CPQ: variants seen among roughly 807,000 people sequenced by gnomAD.
The protein encoded by CPQ is carboxypeptidase Q.
Under a neutral mutation model 45.7 loss-of-function variants are expected in CPQ, and 37 were observed. The observed-to-expected ratio is 0.81, with a 90% CI of 0.62 to 1.07. The LOEUF (loss-of-function observed/expected upper bound fraction) is 1.07, where lower values mean the gene tolerates loss of function less well. CPQ is among the 50% of genes least tolerant of loss of function. The pLI, the probability that CPQ is intolerant of heterozygous loss-of-function variation, is 0.00. For missense variants in CPQ, 537 were observed against 572.9 expected (o/e 0.94, Z 0.64); for synonymous variants, 186 against 205.8 (o/e 0.90, Z 0.82).
chr8:97,102,596 C>T (rs77481463), intron 7 of CPQ, among the ~76,000 whole-genome samples: 6 of 152,022 alleles, frequency 3.9e-5, no homozygotes, highest in Non-Finnish European at 7.4e-5. Context: ...ATCAGCTGTG[C>T]GATTTCAGCC....
At chr8:97,107,132 A>G (rs528997638) in intron 7 of CPQ, among the ~76,000 whole-genome samples, 3 of 152,336 alleles carry the variant, frequency 2.0e-5, no homozygotes, top group African/African-American at 7.2e-5. Context: ...GTAGTGCACT[A>G]ACATTTATGG....
chr8:96,700,231 A>G (rs1251186854), intron 1 of CPQ, among the ~76,000 whole-genome samples: 2 of 151,862 alleles, frequency 1.3e-5, no homozygotes. Flanking sequence ...TGGCTGCACT[A>G]CTCTGCCAAG....
chr8:96,693,325 T>G (rs1321310493), intron 1 of CPQ, among the ~76,000 whole-genome samples: 1 of 151,492 alleles, frequency 6.6e-6, no homozygotes, highest in Non-Finnish European at 1.5e-5. Context: ...CAGAGAACTT[T>G]CCAAACCTAG....
At chr8:96,748,236 C>CAAAAAATGTGAGGG (rs1810214780) in intron 1 of CPQ, among the ~76,000 whole-genome samples, 1 of 152,050 alleles carries the variant, frequency 6.6e-6, no homozygotes, top group African/African-American at 2.4e-5. Flanking sequence ...ACAACAAACA[C>CAAAAAATGTGAGGG]AAAAAATGTC....
rs183617274 is a variant in CPQ at position 96,697,157 on chromosome 8, C to T, written c.-35+51755C>T. Among the ~76,000 whole-genome samples, 218 of 152,260 alleles carry T rather than the reference C, an allele frequency of 1.4e-3. 1 individual carries two copies. The highest frequency in any genetic ancestry group is 5.0e-3 in the African/African-American group (206 of 41,570). On this transcript the variant is annotated intron_variant, in intron 1 of 7. Transcript: ENST00000220763. ...CATTAGCAAACTAAATTCAATGATA[C>T]ACTAAAAAGATTCATCATGACCAAG...
chr8:96,926,536 CTTCTTCT>C (rs1812877632), intron 4 of CPQ, among the ~76,000 whole-genome samples: 1 of 148,286 alleles, frequency 6.7e-6, no homozygotes, highest in African/African-American at 2.5e-5. Context: ...TCTTCTTTTT[CTTCTTCT>C]TCCTCTTCCT....
chr8:97,041,592 G>T (rs541628552), intron 6 of CPQ, among the ~76,000 whole-genome samples: 33 of 152,242 alleles, frequency 2.2e-4, no homozygotes, highest in Non-Finnish European at 5.9e-5. Context: ...TCCAGTTTTT[G>T]CCCATTCAGT....
intron 1 of CPQ, among the ~76,000 whole-genome samples, chr8:96,715,348 G>A (rs1809659980): frequency 6.6e-6 from 1 of 152,166 alleles, no homozygotes; most frequent in South Asian, 2.1e-4. Context: ...CTGACCCAGT[G>A]TTCTAGCTAT....
At chr8:97,115,882 T>C (rs886142459) in intron 7 of CPQ, among the ~76,000 whole-genome samples, 1 of 152,252 alleles carries the variant, frequency 6.6e-6, no homozygotes, top group Non-Finnish European at 1.5e-5. Flanking sequence ...ATGGTTATAA[T>C]TGTTTTTTTA....
chr8:96,646,478 T>C (rs1056961241), intron 1 of CPQ, among the ~76,000 whole-genome samples: 4 of 152,232 alleles, frequency 2.6e-5, no homozygotes, highest in Non-Finnish European at 4.4e-5. Flanking sequence ...GAATCTTGTC[T>C]GTTTTCCTGA....
At chr8:97,059,958 T>C (rs1401023726) in intron 6 of CPQ, among the ~76,000 whole-genome samples, 2 of 152,180 alleles carry the variant, frequency 1.3e-5, no homozygotes, top group Non-Finnish European at 2.9e-5. Context: ...TCTTTCCACT[T>C]GATCTTGAGA....
At chr8:96,913,116 C>T (rs558878177) in intron 4 of CPQ, among the ~76,000 whole-genome samples, 5 of 152,232 alleles carry the variant, frequency 3.3e-5, no homozygotes, top group African/African-American at 1.2e-4. Context: ...GGGAAAGGTC[C>T]CATGACTCTC....
intron 7 of CPQ, among the ~76,000 whole-genome samples, chr8:97,140,416 T>C (rs1175792302): frequency 2.0e-5 from 3 of 151,904 alleles, no homozygotes; most frequent in African/African-American, 7.2e-5. Context: ...TCCTTGATAC[T>C]AAAACTGGAG....
chr8:97,080,679 T>G (rs1457968052), intron 7 of CPQ, among the ~76,000 whole-genome samples: 1 of 152,230 alleles, frequency 6.6e-6, no homozygotes, highest in East Asian at 1.9e-4. Context: ...AGTGTCCCCT[T>G]TATTCCATTT....
intron 4 of CPQ, among the ~76,000 whole-genome samples, chr8:96,943,800 C>T (rs1376078480): frequency 6.6e-6 from 1 of 152,102 alleles, no homozygotes; most frequent in Non-Finnish European, 1.5e-5. Context: ...GTAGTTGAAG[C>T]TTCTAATGCA....
rs577585981 is a variant in CPQ, at chr8:96,808,965, A to G, written c.433+23635A>G. On this transcript the variant is annotated intron_variant, in intron 2 of 7. Coordinates refer to ENST00000220763, the MANE Select transcript of CPQ (RefSeq NM_016134.4). ...ACTAGGACTGTTTTACAGGGTTGCT[A>G]TAAGGGTAAGATAAGATCATGCACA... is the stretch of plus-strand genomic sequence containing the variant. Among the ~76,000 whole-genome samples, 278 of 152,290 alleles carry G rather than the reference A, an allele frequency of 1.8e-3. 2 individuals are homozygous for G. The highest frequency in any genetic ancestry group is 6.5e-3 in the African/African-American group (269 of 41,568).
At chr8:96,860,271 T>C (rs1158538491) in intron 3 of CPQ, among the ~76,000 whole-genome samples, 1 of 152,194 alleles carries the variant, frequency 6.6e-6, no homozygotes, top group African/African-American at 2.4e-5. Flanking sequence ...ATGTAGATAC[T>C]GAGGAGATAT....
intron 2 of CPQ, among the ~76,000 whole-genome samples, chr8:96,800,677 C>T (rs1217944850): frequency 2.6e-5 from 4 of 152,014 alleles, no homozygotes; most frequent in Non-Finnish European, 5.9e-5. Context: ...CTCTTATAAA[C>T]ATAAAGCTGG....
At chr8:96,734,986 TTCTC>T (rs963059795) in intron 1 of CPQ, among the ~76,000 whole-genome samples, 2 of 151,884 alleles carry the variant, frequency 1.3e-5, no homozygotes, top group African/African-American at 2.4e-5. Context: ...CTCTTTCTGT[TTCTC>T]TCTCTCTGCC....
Sources: gnomAD v4.1 joint callset for allele counts (sites outside exome capture counted in the v4.1 genomes callset) on GRCh38, gnomAD v4.1.1 for gene constraint, MANE v1.5 for transcripts, NCBI Gene and HGNC (gene_info 2026-07-23, HGNC 2026-07-21) for gene names.